The following ROBO1 variants were observed in gnomAD, a reference collection of about 807,000 sequenced individuals.
ROBO1 encodes the protein roundabout guidance receptor 1, also known as roundabout homolog 1.
A neutral mutation model predicts 195.9 loss-of-function variants in ROBO1; 149 were observed. The ratio of observed to expected loss-of-function variants is 0.76; its 90% CI spans 0.67 to 0.87. The LOEUF is 0.87. ROBO1 is among the 40% of genes least tolerant of loss of function. The pLI is 0.00. For missense variants in ROBO1, 1,933 were observed against 2,068.3 expected (o/e 0.93, Z 1.27); for synonymous variants, 816 against 733.2 (o/e 1.11, Z -1.82).
At chr3:79,688,559 G>A (rs1232723715) in intron 1 of ROBO1, among the ~76,000 whole-genome samples, 19 of 152,102 alleles carry the variant, frequency 1.2e-4, no homozygotes, top group Non-Finnish European at 1.3e-4. Flanking sequence ...CATTCCCACT[G>A]ACATTTGTTT....
chr3:79,575,693 G>A (rs1050587776), intron 2 of ROBO1, among the ~76,000 whole-genome samples: 17 of 150,604 alleles, frequency 1.1e-4, no homozygotes, highest in South Asian at 2.1e-4. Context: ...TTAGTGAATA[G>A]GCATTCTTCT....
At chr3:78,697,865 G>A (rs895608073) in intron 8 of ROBO1, among the ~76,000 whole-genome samples, 12 of 152,092 alleles carry the variant, frequency 7.9e-5, no homozygotes, top group African/African-American at 2.4e-4. Context: ...GAATGTTATT[G>A]TAAAGCGAAT....
intron 4 of ROBO1, among the ~76,000 whole-genome samples, chr3:78,803,483 C>T (rs1447917175): frequency 1.3e-5 from 2 of 151,934 alleles, no homozygotes; most frequent in Admixed American, 1.3e-4. Context: ...GCATGAATAA[C>T]TCTTATTATG....
At chr3:79,683,530 T>G (rs553948844) in intron 1 of ROBO1, among the ~76,000 whole-genome samples, 1 of 152,202 alleles carries the variant, frequency 6.6e-6, no homozygotes, top group Non-Finnish European at 1.5e-5. Flanking sequence ...ACCATCACCT[T>G]GATCTACTTT....
chr3:79,593,261 C>G (rs1944062291), intron 1 of ROBO1, among the ~76,000 whole-genome samples: 1 of 152,044 alleles, frequency 6.6e-6, no homozygotes, highest in African/African-American at 2.4e-5. Context: ...TTAAACACAT[C>G]TGGGTAAATA....
At chr3:79,263,089 C>A (rs1356505152) in intron 2 of ROBO1, among the ~76,000 whole-genome samples, 1 of 152,048 alleles carries the variant, frequency 6.6e-6, no homozygotes, top group Non-Finnish European at 1.5e-5. Flanking sequence ...TGTTTTCATA[C>A]CCTTTAGTAC....
chr3:79,157,546 T>C (rs1401031387), intron 2 of ROBO1, among the ~76,000 whole-genome samples: 4 of 151,916 alleles, frequency 2.6e-5, no homozygotes, highest in African/African-American at 7.2e-5. Flanking sequence ...CATATACTTA[T>C]CACACTTTCA....
chr3:79,069,292 T>A (rs1406548186), intron 3 of ROBO1, among the ~76,000 whole-genome samples: 1 of 151,924 alleles, frequency 6.6e-6, no homozygotes, highest in Non-Finnish European at 1.5e-5. Context: ...ATGTATTTAT[T>A]TATTTACATT....
chr3:79,696,526 C>G (rs1334260636), intron 1 of ROBO1, among the ~76,000 whole-genome samples: 1 of 150,156 alleles, frequency 6.7e-6, no homozygotes, highest in Non-Finnish European at 1.5e-5. Flanking sequence ...AAAAAGACAT[C>G]CATGGCAATG....
chr3:78,615,911 G>T, intron 27 of ROBO1, among the ~76,000 whole-genome samples: 1 of 152,170 alleles, frequency 6.6e-6, no homozygotes, highest in African/African-American at 2.4e-5. Flanking sequence ...AATAAGCAGA[G>T]GCCAATGCAT....
chr3:79,574,086 T>G (rs959656027), intron 2 of ROBO1, among the ~76,000 whole-genome samples: 1 of 152,104 alleles, frequency 6.6e-6, no homozygotes, highest in African/African-American at 2.4e-5. Context: ...TAAAAAAATT[T>G]TAGGGTGGTT....
At chr3:79,259,243 C>G (rs1167825020) in intron 2 of ROBO1, among the ~76,000 whole-genome samples, 1 of 152,120 alleles carries the variant, frequency 6.6e-6, no homozygotes, top group Non-Finnish European at 1.5e-5. Flanking sequence ...CTCCCGAGCT[C>G]AAGGGATCCT....
intron 2 of ROBO1, among the ~76,000 whole-genome samples, chr3:79,523,472 C>T (rs6766867): frequency 1.1e-3 from 113 of 100,324 alleles, no homozygotes; most frequent in Middle Eastern, 5.8e-3. Context: ...TTTTTTTTTT[C>T]TTTTTTTTTT....
intron 2 of ROBO1, among the ~76,000 whole-genome samples, chr3:79,296,052 T>C (rs369380061): frequency 2.6e-5 from 4 of 152,162 alleles, no homozygotes; most frequent in East Asian, 3.9e-4. Context: ...ATGAAATCCA[T>C]ATATGCAAAT....
intron 2 of ROBO1, among the ~76,000 whole-genome samples, chr3:79,583,639 A>T (rs9883885): frequency 0.19 from 28,404 of 151,882 alleles, 3,865 homozygotes; most frequent in African/African-American, 0.38. Context: ...ATATTGATTT[A>T]AACAAAATGT....
chr3:79,322,085 C>A (rs1031763776), intron 2 of ROBO1, among the ~76,000 whole-genome samples: 1 of 152,140 alleles, frequency 6.6e-6, no homozygotes, highest in Non-Finnish European at 1.5e-5. Flanking sequence ...AGATAATTTG[C>A]ATAGAATTTG....
intron 1 of ROBO1, among the ~76,000 whole-genome samples, chr3:79,661,109 C>A (rs1946315453): frequency 6.6e-6 from 1 of 152,040 alleles, no homozygotes; most frequent in African/African-American, 2.4e-5. Context: ...CCCATACGCC[C>A]CTTCTTTGAC....
At chr3:79,731,310 C>T (rs955364772) in intron 1 of ROBO1, among the ~76,000 whole-genome samples, 1 of 152,096 alleles carries the variant, frequency 6.6e-6, no homozygotes, top group African/African-American at 2.4e-5. Context: ...AATGGGATGT[C>T]CCTGTTTTGC....
intron 22 of ROBO1, among the ~76,000 whole-genome samples, chr3:78,636,703 G>A (rs977892239): frequency 3.0e-4 from 45 of 151,250 alleles, no homozygotes; most frequent in Middle Eastern, 6.9e-3. Flanking sequence ...ATCATTATCC[G>A]GAAAACATGC....
Sources: gnomAD v4.1 joint callset for allele counts (sites outside exome capture counted in the v4.1 genomes callset) on GRCh38, gnomAD v4.1.1 for gene constraint, MANE v1.5 for transcripts, NCBI Gene and HGNC (gene_info 2026-07-23, HGNC 2026-07-21) for gene names.